Variants in CCDC148 observed in about 807,000 individuals in gnomAD.
The protein encoded by CCDC148 is coiled-coil domain containing 148.
In CCDC148, 89 loss-of-function variants were observed where a neutral mutation model predicts 85.7. The observed-to-expected ratio is 1.04, with a 90% CI of 0.87 to 1.24. CCDC148 has a LOEUF of 1.24. Among genes scored for constraint, CCDC148 ranks in the 50% most tolerant of loss-of-function variants. The probability of loss-of-function intolerance (pLI) is 0.00; values close to 1 mark genes in which losing one functional copy is unlikely to be tolerated. For synonymous variants in CCDC148, 230 were observed against 213.9 expected, an observed-to-expected ratio of 1.08 and a Z score of -0.66; for missense variants, 692 against 671.7, an observed-to-expected ratio of 1.03 and a Z score of -0.33.
At position 158,345,981 on chromosome 2, in the gene CCDC148, G is replaced by T. The variant is rs1574659902; in HGVS notation, c.148-663C>A. Among the ~76,000 whole-genome samples, 4 of 152,232 alleles carry T rather than the reference G, an allele frequency of 2.6e-5. No homozygotes were observed. The South Asian group carries it at 8.3e-4, about 32-fold the overall frequency. On this transcript the variant is annotated intron_variant, in intron 2 of 13. Transcript: ENST00000283233. ...TAATTTAAGCAAATATTTATTTGAA[G>T]ATACTTAAAGAAATATGAAAAATCA...
intron 1 of CCDC148, chr2:158,447,133 T>C (rs1237886887): frequency 6.6e-6 from 1 of 152,182 alleles, no homozygotes; most frequent in Non-Finnish European, 1.5e-5. Flanking sequence ...TGGTATAAGT[T>C]TATATTTATA....
At chr2:158,210,911 A>ATCATGCC (rs1686538109) in intron 11 of CCDC148, among the ~76,000 whole-genome samples, 1 of 149,382 alleles carries the variant, frequency 6.7e-6, no homozygotes, top group East Asian at 2.0e-4. Flanking sequence ...GTGAGCCAAG[A>ATCATGCC]TCATGCCACT....
intron 8 of CCDC148, 74 bp from the exon 9 acceptor site, chr2:158,309,713 T>A (rs1296035547): frequency 9.4e-7 from 1 of 1,058,856 alleles, no homozygotes; most frequent in Non-Finnish European, 1.4e-6. Flanking sequence ...GTTACAAAAA[T>A]GAAAAGAAAA....
rs1415360593 is a variant in CCDC148, at chr2:158,456,539, C to A, written c.-100G>T. The stretch of plus-strand genomic sequence containing the variant: ...GCCGTCAGGGGTACATCTAAGGGCT[C>A]AGCTGTTCCTACCTTTGACGCCAGG... On this transcript the variant is annotated 5_prime_UTR_variant, in exon 1 of 14. Coordinates refer to ENST00000283233, the MANE Select transcript of CCDC148 (RefSeq NM_138803.4). 66 of 1,442,810 alleles carry A rather than the reference C, an allele frequency of 4.6e-5. No individual in the cohort carries two copies. The highest frequency in any genetic ancestry group is 6.1e-5 in the Non-Finnish European group (65 of 1,067,274). The allele number at this position is 1,442,810 out of a possible 1,614,324, so 89.4% of individuals were successfully genotyped here.
At chr2:158,198,810 CTT>C (rs1009166287) in intron 11 of CCDC148, among the ~76,000 whole-genome samples, 11 of 152,154 alleles carry the variant, frequency 7.2e-5, no homozygotes, top group African/African-American at 2.7e-4. Context: ...AATTTTATCT[CTT>C]TGTCAAACAG....
chr2:158,213,837 C>T (rs1380193244), intron 11 of CCDC148, among the ~76,000 whole-genome samples: 1 of 152,092 alleles, frequency 6.6e-6, no homozygotes, highest in Non-Finnish European at 1.5e-5. Flanking sequence ...CAAAGTATCA[C>T]TGCAGCTGTA....
chr2:158,370,044 T>C (rs1225874459), intron 1 of CCDC148, among the ~76,000 whole-genome samples: 10 of 152,164 alleles, frequency 6.6e-5, no homozygotes, highest in African/African-American at 2.2e-4. Flanking sequence ...AGCTTTTTGA[T>C]GTGCTGTTGG....
chr2:158,246,798 A>C (rs1468220411), intron 10 of CCDC148, among the ~76,000 whole-genome samples: 1 of 152,162 alleles, frequency 6.6e-6, no homozygotes, highest in Non-Finnish European at 1.5e-5. Context: ...AGAACCCCAG[A>C]CCAGTGCTGT....
At chr2:158,180,844 T>C (rs1445277609) in intron 11 of CCDC148, among the ~76,000 whole-genome samples, 1 of 151,986 alleles carries the variant, frequency 6.6e-6, no homozygotes, top group Non-Finnish European at 1.5e-5. Context: ...CAGAATGAGA[T>C]TTAGAAGGAA....
At position 158,241,558 on chromosome 2, in the gene CCDC148, A is replaced by G. The variant is rs568593670; in HGVS notation, c.1251+9214T>C. Among the ~76,000 whole-genome samples the G allele has an allele frequency of 2.5e-3, 384 of 152,274 alleles. 3 individuals carry two copies. Among genetic ancestry groups the G allele is most frequent in the Non-Finnish European group, 4.6e-3 (314 of 68,010 alleles). On this transcript the variant is annotated intron_variant, in intron 10 of 13. Transcript: ENST00000283233. ...GAGGATTGGGTATAATACATGTCAC[A>G]ATAAAGGCACTTGGTATGTACTTAT... is the stretch of plus-strand genomic sequence containing the variant.
rs928717749 is a variant in CCDC148, at chr2:158,227,342, G to A, written c.1252-6629C>T. ...AAATGGAAGAACATTCCATGCTCATGGGTAGGAAGAATCAATATTGTGAAA... is the reference window on the plus strand; with the variant it reads ...AAATGGAAGAACATTCCATGCTCATAGGTAGGAAGAATCAATATTGTGAAA... On this transcript the variant is annotated intron_variant, in intron 10 of 13. Transcript: ENST00000283233. 3.3e-4 allele frequency among the ~76,000 whole-genome samples: 50 copies of A among 151,628 alleles called. 1 individual carries two copies. The highest frequency in any genetic ancestry group is 1.2e-3 in the African/African-American group (48 of 41,122).
At chr2:158,435,838 TA>T (rs1205144875) in intron 1 of CCDC148, among the ~76,000 whole-genome samples, 2 of 151,966 alleles carry the variant, frequency 1.3e-5, no homozygotes, top group Non-Finnish European at 2.9e-5. Context: ...TAGTCTCTGA[TA>T]AAACAGACTT....
intron 1 of CCDC148, among the ~76,000 whole-genome samples, chr2:158,378,998 T>C (rs1029578441): frequency 1.3e-5 from 2 of 152,294 alleles, no homozygotes; most frequent in South Asian, 2.1e-4. Flanking sequence ...TCAAGTCTTA[T>C]TATTTAAGAA....
At chr2:158,442,766 A>C (rs1229152351) in intron 1 of CCDC148, among the ~76,000 whole-genome samples, 1 of 152,236 alleles carries the variant, frequency 6.6e-6, no homozygotes, top group Non-Finnish European at 1.5e-5. Context: ...AATAGCAATT[A>C]CTATGTGCCA....
chr2:158,364,021 TAGAC>T (rs1684086371), intron 1 of CCDC148, among the ~76,000 whole-genome samples: 2 of 140,222 alleles, frequency 1.4e-5, no homozygotes, highest in African/African-American at 5.3e-5. Flanking sequence ...ACACCAATAA[TAGAC>T]AGAGAGCCAA....
intron 10 of CCDC148, among the ~76,000 whole-genome samples, chr2:158,234,835 T>A (rs1688025488): frequency 6.6e-6 from 1 of 152,084 alleles, no homozygotes; most frequent in South Asian, 2.1e-4. Flanking sequence ...GAAAAAAGAG[T>A]GTAAAGACAC....
chr2:158,280,465 G>A (rs887608683), intron 9 of CCDC148, among the ~76,000 whole-genome samples: 2 of 152,116 alleles, frequency 1.3e-5, no homozygotes, highest in Admixed American at 6.5e-5. Flanking sequence ...AAAAAAGGCA[G>A]GGGTTGCAAT....
chr2:158,399,013 C>T (rs992779906), intron 1 of CCDC148, among the ~76,000 whole-genome samples: 2 of 152,122 alleles, frequency 1.3e-5, no homozygotes, highest in Admixed American at 1.3e-4. Flanking sequence ...CGCAAATAAA[C>T]TAGAAAATCT....
chr2:158,243,885 T>C (rs987721144), intron 10 of CCDC148, among the ~76,000 whole-genome samples: 5 of 123,532 alleles, frequency 4.0e-5, no homozygotes, highest in African/African-American at 1.5e-4. Flanking sequence ...AGGTGGCACC[T>C]TCAACATTTT....
Sources: gnomAD v4.1 joint callset for allele counts (sites outside exome capture counted in the v4.1 genomes callset) on GRCh38, gnomAD v4.1.1 for gene constraint, MANE v1.5 for transcripts, NCBI Gene and HGNC (gene_info 2026-07-23, HGNC 2026-07-21) for gene names.